NFIC: variants seen among roughly 807,000 people sequenced by gnomAD.
NFIC encodes the protein nuclear factor 1 C-type.
In NFIC, 12 loss-of-function variants were observed where a neutral mutation model predicts 54.4. That is an observed-to-expected ratio of 0.22 (90% confidence interval 0.14 to 0.36). The LOEUF is 0.36. NFIC is among the 10% of genes least tolerant of loss of function. The pLI is 1.00. For synonymous variants in NFIC, 322 were observed against 319.2 expected, an observed-to-expected ratio of 1.01 and a Z score of -0.09; for missense variants, 575 against 718.2, an observed-to-expected ratio of 0.80 and a Z score of 2.28.
intron 6 of NFIC, among the ~76,000 whole-genome samples, chr19:3,444,110 A>G (rs10420006): frequency 0.76 from 106,990 of 141,672 alleles, 39,988 homozygotes; most frequent in African/African-American, 0.89. Flanking sequence ...GTCAAATACA[A>G]AGAGGAGGTC....
At chr19:3,445,895 AG>A (rs1160922751) in intron 6 of NFIC, among the ~76,000 whole-genome samples, 1 of 152,158 alleles carries the variant, frequency 6.6e-6, no homozygotes, top group Non-Finnish European at 1.5e-5. Context: ...GTTTCTCATC[AG>A]GGCATCACCC....
intron 1 of NFIC, among the ~76,000 whole-genome samples, chr19:3,368,911 C>CTGTGTG (rs1568396987): frequency 2.2e-5 from 2 of 92,310 alleles, no homozygotes; most frequent in South Asian, 4.5e-4. Context: ...CTTGCTCTGA[C>CTGTGTG]TCTGTGTGTG....
chr19:3,399,844 C>T (rs2081526320), intron 2 of NFIC, among the ~76,000 whole-genome samples: 4 of 152,044 alleles, frequency 2.6e-5, no homozygotes, highest in Admixed American at 2.6e-4. Context: ...GCACTCTAGC[C>T]TGGGTGACAG....
chr19:3,380,031 T>G (rs1054757839), intron 1 of NFIC, among the ~76,000 whole-genome samples: 2 of 151,344 alleles, frequency 1.3e-5, no homozygotes, highest in African/African-American at 2.4e-5. Context: ...GATGGAGTCT[T>G]GCTCTGTCGC....
Position 3,452,449 on chromosome 19 carries a change from C to G in NFIC, c.1085-33C>G. The G allele has an allele frequency of 6.2e-7, 1 of 1,606,574 alleles. No homozygotes were observed. Among genetic ancestry groups the G allele is most frequent in the Non-Finnish European group, 8.5e-7 (1 of 1,178,964 alleles). On this transcript the variant is annotated intron_variant, in intron 7 of 10. Transcript: ENST00000443272. This position sits in a 1 kb window ranked among gnomAD's most constrained non-coding sequence, Gnocchi z 5.3. ...TCACAGAGCAGACCGGCTGGAGCCC[C>G]CAAGTAACCCCCGCTTCCCACTGTC...
intron 2 of NFIC, among the ~76,000 whole-genome samples, chr19:3,403,480 G>C (rs1345544818): frequency 6.6e-6 from 1 of 152,196 alleles, no homozygotes; most frequent in Admixed American, 6.5e-5. Flanking sequence ...GCACAGAGCA[G>C]GGCGGAGATG....
chr19:3,421,226 A>G (rs1175158799), intron 2 of NFIC, among the ~76,000 whole-genome samples: 1 of 152,210 alleles, frequency 6.6e-6, no homozygotes, highest in African/African-American at 2.4e-5. Flanking sequence ...CTCCCTTCCC[A>G]GGGAAACACC....
intron 6 of NFIC, among the ~76,000 whole-genome samples, chr19:3,445,080 C>G (rs766580269): frequency 2.6e-5 from 4 of 152,216 alleles, no homozygotes; most frequent in African/African-American, 4.8e-5. Flanking sequence ...CAGGCGTGCA[C>G]ACGTCCACAT....
In NFIC at chr19:3,453,703, C is replaced by T. The variant is rs1478226566; in HGVS notation, c.1270-60C>T. On this transcript the variant is annotated intron_variant, in intron 8 of 10. Coordinates refer to ENST00000443272, the MANE Select transcript of NFIC (RefSeq NM_001245002.2). The surrounding 1 kb of genome is among the most constrained non-coding windows in gnomAD (Gnocchi z 6.7). ...GCACAGAGCCGGGGGCGGCCGGCGC[C>T]AGCAGCCCGAGGTAGAGGGGGAGCC... The T allele has an allele frequency of 3.3e-6, 5 of 1,533,978 alleles. No homozygotes were observed. The highest frequency in any genetic ancestry group is 1.4e-5 in the African/African-American group (1 of 69,706).
chr19:3,456,977 G>A lies in NFIC; in HGVS notation c.1509+342G>A. 6 of 377,796 alleles carry A rather than the reference G, an allele frequency of 1.6e-5. No individual in the cohort carries two copies. In the Middle Eastern group the frequency reaches 2.2e-3, roughly 136 times the overall value. 23.4% of individuals were successfully genotyped at this position (377,796 alleles called of 1,614,324 possible). A position where few individuals can be genotyped will look rare whatever the true frequency, so the allele number is the denominator to read the frequency against. On this transcript the variant is annotated intron_variant, in intron 10 of 10. Transcript: ENST00000443272. ...GGAAAACTGAGGCCCAGAGAGACAA[G>A]GGGGTCTGCCCAGGGTCACACAGTG...
intron 1 of NFIC, among the ~76,000 whole-genome samples, chr19:3,380,146 G>A (rs1347696147): frequency 6.6e-6 from 1 of 150,878 alleles, no homozygotes; most frequent in South Asian, 2.1e-4. Flanking sequence ...GACTACAGGC[G>A]CCCGACACCA....
In NFIC at chr19:3,454,111, G is replaced by A. The variant is rs576407679; in HGVS notation, c.1423+195G>A. 1,919 of 1,349,754 alleles carry A rather than the reference G, an allele frequency of 1.4e-3. 2 individuals carry two copies. Among genetic ancestry groups the A allele is most frequent in the Non-Finnish European group, 1.7e-3 (1,758 of 1,059,416 alleles). The allele number at this position is 1,349,754 out of a possible 1,614,324, so 83.6% of individuals were successfully genotyped here. ...GCTGAGGCAGCCTTAGGGGCTGGCC[G>A]GACCAAGCCTCGGGCCAGGGTGAGA... On this transcript the variant is annotated intron_variant, in intron 9 of 10. Coordinates refer to ENST00000443272, the MANE Select transcript of NFIC (RefSeq NM_001245002.2).
At chr19:3,421,037 T>A (rs78399816) in intron 2 of NFIC, among the ~76,000 whole-genome samples, 2,918 of 152,336 alleles carry the variant, frequency 0.019, 94 homozygotes, top group African/African-American at 0.065. Flanking sequence ...TTTCATTCAT[T>A]ACCATCTTGT....
chr19:3,434,644 G>A (rs1199146805), intron 5 of NFIC, among the ~76,000 whole-genome samples: 2 of 152,108 alleles, frequency 1.3e-5, no homozygotes, highest in Non-Finnish European at 2.9e-5. Context: ...CAGCCCTTAG[G>A]ACCCTCCCCA....
At chr19:3,372,715 G>T (rs1206900388) in intron 1 of NFIC, among the ~76,000 whole-genome samples, 5 of 150,780 alleles carry the variant, frequency 3.3e-5, no homozygotes, top group Non-Finnish European at 7.4e-5. Context: ...AGTGGGGTGG[G>T]GGGGTGCCAG....
intron 2 of NFIC, among the ~76,000 whole-genome samples, chr19:3,391,340 A>G (rs1013684346): frequency 6.6e-6 from 1 of 152,154 alleles, no homozygotes; most frequent in African/African-American, 2.4e-5. Context: ...GTGAATAATG[A>G]TAATAACAAG....
chr19:3,360,156 G>A (rs2080791619), intron 1 of NFIC, among the ~76,000 whole-genome samples: 1 of 145,550 alleles, frequency 6.9e-6, no homozygotes. Flanking sequence ...GGGGTGCCCC[G>A]GCCCGGGCGA....
Position 3,463,275 on chromosome 19 carries a change from C to G in NFIC, c.*506C>G. 1 of 990,172 alleles carries G rather than the reference C, an allele frequency of 1.0e-6. No individual in the cohort carries two copies. Among genetic ancestry groups the G allele is most frequent in the Non-Finnish European group, 1.2e-6 (1 of 833,496 alleles). The allele number at this position is 990,172 out of a possible 1,614,324, so 61.3% of individuals were successfully genotyped here. A position where few individuals can be genotyped will look rare whatever the true frequency, so the allele number is the denominator to read the frequency against. On this transcript the variant is annotated 3_prime_UTR_variant, in exon 11 of 11. Coordinates refer to ENST00000443272, the MANE Select transcript of NFIC (RefSeq NM_001245002.2). ...CAGCAAGGCCACCTCTCCCCGGGCCCCCGCGCCTCTGCCGGACACGGACCG... is the reference window on the plus strand; with the variant it reads ...CAGCAAGGCCACCTCTCCCCGGGCCGCCGCGCCTCTGCCGGACACGGACCG...
intron 6 of NFIC, among the ~76,000 whole-genome samples, chr19:3,436,133 TTTTGTTTGTTTG>T (rs10655460): frequency 6.8e-6 from 1 of 147,670 alleles, no homozygotes; most frequent in South Asian, 2.2e-4. Context: ...CGGCCTCTGT[TTTTGTTTGTTTG>T]TTTGTTTGTT....
Sources: allele counts gnomAD v4.1 joint callset (sites outside exome capture counted in the v4.1 genomes callset), GRCh38; gene constraint gnomAD v4.1.1; non-coding constraint Gnocchi (gnomAD v3.1); transcripts MANE v1.5; gene names NCBI Gene and HGNC (gene_info 2026-07-23, HGNC 2026-07-21).